COL11A1: variants seen among roughly 807,000 people sequenced by gnomAD.
COL11A1 encodes collagen type XI alpha 1 chain.
A neutral mutation model predicts 265.2 loss-of-function variants in COL11A1; 74 were observed. The ratio of observed to expected loss-of-function variants is 0.28; its 90% CI spans 0.23 to 0.34. The LOEUF is 0.34. Ranked by LOEUF, COL11A1 falls within the 10% of genes least tolerant of loss-of-function variation. COL11A1 has a pLI of 1.00. For synonymous variants in COL11A1, 816 were observed against 727.6 expected, an observed-to-expected ratio of 1.12 and a Z score of -1.96; for missense variants, 2,165 against 2,263.6, an observed-to-expected ratio of 0.96 and a Z score of 0.88.
intron 1 of COL11A1, among the ~76,000 whole-genome samples, chr1:103,084,074 T>A (rs1249416995): frequency 6.6e-6 from 1 of 152,186 alleles, no homozygotes; most frequent in Non-Finnish European, 1.5e-5. Flanking sequence ...GTACTATTAT[T>A]ATCTTTAATT....
intron 35 of COL11A1, among the ~76,000 whole-genome samples, chr1:102,977,013 C>T (rs1018416406): frequency 2.6e-5 from 4 of 151,952 alleles, no homozygotes; most frequent in Admixed American, 2.6e-4. Context: ...TATATGCATG[C>T]CATGTATAAC....
intron 2 of COL11A1, among the ~76,000 whole-genome samples, chr1:103,081,041 A>G (rs902247633): frequency 2.6e-5 from 4 of 151,826 alleles, no homozygotes; most frequent in Admixed American, 2.0e-4. Flanking sequence ...TGCCCTTCCC[A>G]TCCATTGGCT....
rs1356633020 is a variant in COL11A1, at chr1:103,004,669, A to G, written c.1846-8T>C. 2.5e-6 allele frequency: 4 copies of G among 1,606,270 alleles called. No individual in the cohort carries two copies. The highest frequency in any genetic ancestry group is 3.4e-6 in the Non-Finnish European group (4 of 1,175,280). On this transcript the variant is annotated splice_polypyrimidine_tract_variant and splice_region_variant and intron_variant, in intron 18 of 66. Transcript: ENST00000370096. ...TTGAGGACCTCGTTCACCCTGTTAA[A>G]TCAATACAAATAAGATTAGCATATG...
At chr1:103,015,296 AAC>A (rs2101902922) in intron 12 of COL11A1, among the ~76,000 whole-genome samples, 1 of 152,156 alleles carries the variant, frequency 6.6e-6, no homozygotes, top group South Asian at 2.1e-4. Context: ...AATGAATAAT[AAC>A]ACTACAAATA....
Position 102,878,148 on chromosome 1 carries a change from T to G in COL11A1, c.5292A>C (p.Glu1764Asp). Residue 1764 changes from glutamate (E) to aspartate (D), a missense_variant, in exon 67 of 67, where the codon GAA becomes GAC. Glu to Asp is a conservative substitution (Grantham distance 45). Transcript: ENST00000370096. The part of the protein sequence containing the change: ...YDGCASRKGY[E>D]KTVIEINTPK... Reference sequence around the variant, plus strand: ...GTGTATTGATTTCAATGACAGTCTTTTCATAGCCTTTTCTGGACTGTAAAA... The same window carrying G: ...GTGTATTGATTTCAATGACAGTCTTGTCATAGCCTTTTCTGGACTGTAAAA... 1.9e-6 allele frequency: 3 copies of G among 1,612,456 alleles called. No individual in the cohort carries two copies. Among genetic ancestry groups the G allele is most frequent in the Non-Finnish European group, 2.5e-6 (3 of 1,178,914 alleles).
chr1:103,004,722 T>A (rs1254610522), intron 18 of COL11A1, 61 bp from the exon 19 acceptor site: 3 of 1,411,420 alleles, frequency 2.1e-6, no homozygotes, highest in Non-Finnish European at 3.0e-6. Context: ...TACAAGTCTA[T>A]CAGGTAGCTA....
At chr1:102,960,512 A>C (rs182166242) in intron 41 of COL11A1, among the ~76,000 whole-genome samples, 2 of 151,922 alleles carry the variant, frequency 1.3e-5, no homozygotes, top group Admixed American at 1.3e-4. Flanking sequence ...TTACAAATAC[A>C]TGAAATGGAG....
At chr1:102,947,275 T>TA (rs1446995602) in intron 41 of COL11A1, among the ~76,000 whole-genome samples, 2 of 152,150 alleles carry the variant, frequency 1.3e-5, no homozygotes, top group African/African-American at 4.8e-5. Context: ...CAATGCTTTA[T>TA]AAAAAATATA....
intron 57 of COL11A1, among the ~76,000 whole-genome samples, chr1:102,897,365 T>G (rs770169295): frequency 4.2e-4 from 64 of 151,928 alleles, no homozygotes; most frequent in Non-Finnish European, 1.5e-4. Flanking sequence ...TATGTATGAT[T>G]TGCCATTTTG....
intron 4 of COL11A1, among the ~76,000 whole-genome samples, chr1:103,047,374 G>A (rs1030018963): frequency 3.9e-5 from 6 of 152,118 alleles, no homozygotes; most frequent in African/African-American, 1.4e-4. Flanking sequence ...TAAAAATTGT[G>A]AGTGGGAATT....
At chr1:103,081,143 G>A (rs556860491) in intron 2 of COL11A1, among the ~76,000 whole-genome samples, 9 of 151,796 alleles carry the variant, frequency 5.9e-5, no homozygotes, top group African/African-American at 2.2e-4. Context: ...TTGATTATAT[G>A]GCTCTTATCA....
At chr1:103,043,678 A>G (rs1375217998) in intron 4 of COL11A1, among the ~76,000 whole-genome samples, 3 of 152,160 alleles carry the variant, frequency 2.0e-5, no homozygotes, top group African/African-American at 7.2e-5. Context: ...TATAAACTGT[A>G]AAGTATATAC....
intron 49 of COL11A1, 104 bp from the exon 50 acceptor site, chr1:102,915,788 A>C: frequency 1.1e-6 from 1 of 936,414 alleles, no homozygotes; most frequent in Non-Finnish European, 1.6e-6. Flanking sequence ...TTATTTTTTT[A>C]TATTATTTAA....
chr1:103,099,118 T>G (rs1674027428), intron 1 of COL11A1, among the ~76,000 whole-genome samples: 1 of 151,788 alleles, frequency 6.6e-6, no homozygotes, highest in African/African-American at 2.4e-5. Flanking sequence ...CTAGATGCTT[T>G]CTGTTCTAGA....
At position 103,006,117 on chromosome 1, in the gene COL11A1, C is replaced by G. The variant is rs769449348; in HGVS notation, c.1742G>C (p.Arg581Pro). The change falls in exon 17 of 67, where the codon CGT becomes CCT. Residue 581 changes from arginine (R) to proline (P), a missense_variant. Physicochemically the swap from Arg to Pro is moderately radical, Grantham distance 103 (BLOSUM62 -2). Coordinates refer to ENST00000370096, the MANE Select transcript of COL11A1 (RefSeq NM_001854.4). ...GPTGKPGKRG[R>P]PGADGGRGMP... ...TCCTCTTCCTCCATCTGCACCTGGA[C>G]GACCCTAATAATGCCAACAGCATGA... 6.2e-7 allele frequency: 1 copy of G among 1,613,494 alleles called. No individual in the cohort carries two copies. The highest frequency in any genetic ancestry group is 2.2e-5 in the East Asian group (1 of 44,852).
intron 39 of COL11A1, 62 bp from the exon 40 acceptor site, chr1:102,962,327 A>C (rs1401815793): frequency 3.2e-6 from 4 of 1,236,030 alleles, no homozygotes; most frequent in Non-Finnish European, 4.8e-6. Context: ...CTACAAACAA[A>C]ATTGTGATTA....
intron 5 of COL11A1, among the ~76,000 whole-genome samples, chr1:103,029,250 G>A (rs1004467383): frequency 2.0e-4 from 30 of 151,974 alleles, no homozygotes; most frequent in African/African-American, 7.0e-4. Context: ...AATGCCAGAA[G>A]TTTATTAGTG....
chr1:102,890,898 AACTC>A (rs763231215), intron 57 of COL11A1, among the ~76,000 whole-genome samples: 21 of 152,170 alleles, frequency 1.4e-4, no homozygotes, highest in Non-Finnish European at 2.8e-4. Context: ...TTTTTGAAAA[AACTC>A]AATAAACTTT....
At chr1:103,054,920 A>T (rs1670122683) in intron 4 of COL11A1, among the ~76,000 whole-genome samples, 2 of 152,206 alleles carry the variant, frequency 1.3e-5, no homozygotes, top group Non-Finnish European at 2.9e-5. Flanking sequence ...TTAAAAAGAA[A>T]AAAAGCAAAC....
Sources: allele counts gnomAD v4.1 joint callset (sites outside exome capture counted in the v4.1 genomes callset), GRCh38; gene constraint gnomAD v4.1.1; transcripts MANE v1.5; gene names NCBI Gene and HGNC (gene_info 2026-07-23, HGNC 2026-07-21).